Variants in ECSCR observed in about 807,000 individuals in gnomAD.
ECSCR encodes endothelial cell-specific chemotaxis regulator.
In ECSCR, 12 loss-of-function variants were observed where a neutral mutation model predicts 16.7. That is an observed-to-expected ratio of 0.72 (90% CI 0.46 to 1.17). ECSCR has a LOEUF of 1.17. Among genes scored for constraint, ECSCR ranks in the 50% most tolerant of loss-of-function variants. The pLI, the probability that ECSCR is intolerant of heterozygous loss-of-function variation, is 0.00. For missense variants in ECSCR, 122 were observed against 116.1 expected, an observed-to-expected ratio of 1.05 and a Z score of -0.23; for synonymous variants, 44 against 42.2, an observed-to-expected ratio of 1.04 and a Z score of -0.17.
At chr5:139,451,462 C>T (rs964256217) in intron 8 of ECSCR, among the ~76,000 whole-genome samples, 3 of 123,506 alleles carry the variant, frequency 2.4e-5, no homozygotes, top group Non-Finnish European at 5.0e-5. Context: ...GTATGAGGTA[C>T]GGGGTGTCTG....
intron 5 of ECSCR, among the ~76,000 whole-genome samples, chr5:139,456,217 C>T (rs1400688790): frequency 1.5e-4 from 23 of 152,112 alleles, no homozygotes; most frequent in African/African-American, 5.3e-4. Flanking sequence ...GAGCCGGGAT[C>T]GCACCGCTGC....
intron 7 of ECSCR, 57 bp from the exon 8 acceptor site, chr5:139,454,695 C>G (rs1751118956): frequency 2.5e-6 from 1 of 398,362 alleles, no homozygotes; most frequent in South Asian, 1.3e-4. Flanking sequence ...AGAAGTCCAG[C>G]CTTCCTCTCA....
intron 6 of ECSCR, 74 bp from the exon 7 acceptor site, chr5:139,454,997 C>T: frequency 2.5e-6 from 1 of 398,620 alleles, no homozygotes; most frequent in Non-Finnish European, 4.4e-6. Context: ...CCGGCATTCC[C>T]TTCCCAGATA....
intron 6 of ECSCR, 77 bp downstream of exon 6, chr5:139,455,246 C>T (rs1038165650): frequency 2.9e-5 from 7 of 245,376 alleles, no homozygotes; most frequent in Non-Finnish European, 3.8e-5. Flanking sequence ...TTTGAACTTG[C>T]GTTTCAGACC....
At chr5:139,451,558 G>T (rs1751049428) in intron 8 of ECSCR, among the ~76,000 whole-genome samples, 2 of 144,696 alleles carry the variant, frequency 1.4e-5, no homozygotes, top group South Asian at 2.2e-4. Flanking sequence ...TAGGGTACGG[G>T]GTGTGTGTGT....
chr5:139,461,247 G>C (rs1281972353), intron 1 of ECSCR, among the ~76,000 whole-genome samples: 7 of 152,226 alleles, frequency 4.6e-5, no homozygotes, highest in Non-Finnish European at 1.0e-4. Context: ...ACTTAACGCA[G>C]TGCCTGACAT....
chr5:139,459,607 A>C (rs1751246849), intron 1 of ECSCR, among the ~76,000 whole-genome samples: 1 of 152,210 alleles, frequency 6.6e-6, no homozygotes, highest in Non-Finnish European at 1.5e-5. Context: ...CAATGAAATC[A>C]TTCTTGAAAC....
intron 8 of ECSCR, among the ~76,000 whole-genome samples, chr5:139,451,608 G>A (rs1206212958): frequency 1.4e-5 from 2 of 146,282 alleles, no homozygotes; most frequent in Non-Finnish European, 3.0e-5. Context: ...GTATGGTATG[G>A]GGGGATGTGT....
chr5:139,450,183 G>A lies in ECSCR; in HGVS notation c.513-1009C>T, dbSNP rs539050000. Among the ~76,000 whole-genome samples, 201 of 152,012 alleles carry A rather than the reference G, an allele frequency of 1.3e-3. 2 individuals are homozygous for A. The highest frequency in any genetic ancestry group is 2.5e-3 in the Non-Finnish European group (169 of 67,950). On this transcript the variant is annotated intron_variant, in intron 8 of 9. Coordinates refer to ENST00000618155, the MANE Select transcript of ECSCR (RefSeq NM_001077693.4). ...GCTGAGATTACAGGCATGAGCCACC[G>A]CGCCTGGCCTAAAGCCTCAATTTTT...
At position 139,454,599 on chromosome 5, in the gene ECSCR, T is replaced by C. The variant is rs1751116651; in HGVS notation, c.512+3A>G. On this transcript the variant is annotated splice_donor_region_variant and intron_variant, in intron 8 of 9. Transcript: ENST00000618155. ...AGATAGAAGATTTTTCTGACGGTCT[T>C]ACCTTTCAGACAGCCCTGAACTCCC... is the stretch of plus-strand genomic sequence containing the variant. 1 of 398,038 alleles carries C rather than the reference T, an allele frequency of 2.5e-6. No homozygotes were observed. Among genetic ancestry groups the C allele is most frequent in the African/African-American group, 2.1e-5 (1 of 48,410 alleles). 24.7% of individuals were successfully genotyped at this position (398,038 alleles called of 1,614,324 possible). A position where few individuals can be genotyped will look rare whatever the true frequency, so the allele number is the denominator to read the frequency against.
chr5:139,450,573 C>T (rs1342545952), intron 8 of ECSCR, among the ~76,000 whole-genome samples: 1 of 149,546 alleles, frequency 6.7e-6, no homozygotes, highest in African/African-American at 2.5e-5. Context: ...GTCAGGAGTT[C>T]GAGACCAGCC....
In ECSCR at chr5:139,462,616, A is replaced by T; in HGVS notation, c.55T>A (p.Phe19Ile). The T allele has an allele frequency of 6.3e-7, 1 of 1,597,502 alleles. No homozygotes were observed. Among genetic ancestry groups the T allele is most frequent in the Non-Finnish European group, 8.5e-7 (1 of 1,172,420 alleles). Residue 19 changes from phenylalanine to isoleucine, a missense_variant, in exon 1 of 10, where the codon TTC becomes ATC. Physicochemically the swap from Phe to Ile is conservative, Grantham distance 21. Transcript: ENST00000618155. ...AGCGGCAGGCACCTCTTACCTCGGA[A>T]CAGGAGGAAGCCCAGGATCACCCAG... ...LCWVILGFLL[F>I]RGHNSQPTMT...
intron 7 of ECSCR, 28 bp from the exon 8 acceptor site, chr5:139,454,666 G>A: frequency 2.5e-6 from 1 of 398,282 alleles, no homozygotes; most frequent in Non-Finnish European, 4.4e-6. Context: ...CACAGGTTGG[G>A]GCTCACATGC....
At chr5:139,456,679 C>T (rs1009934318) in intron 4 of ECSCR, among the ~76,000 whole-genome samples, 161 bp from the exon 5 acceptor site, 4 of 152,206 alleles carry the variant, frequency 2.6e-5, no homozygotes, top group Admixed American at 2.0e-4. Flanking sequence ...CTTCTCCTCC[C>T]TCTCCTCTCT....
chr5:139,451,968 T>A (rs1751061500), intron 8 of ECSCR, among the ~76,000 whole-genome samples: 1 of 147,302 alleles, frequency 6.8e-6, no homozygotes, highest in Non-Finnish European at 1.5e-5. Context: ...GTGTATAGTA[T>A]AGGGTGTATG....
In ECSCR at chr5:139,448,914, A is replaced by G. The variant is rs1750967452; in HGVS notation, c.610-6T>C. 4 of 1,537,162 alleles carry G rather than the reference A, an allele frequency of 2.6e-6. No homozygotes were observed. The African/African-American group carries it at 4.1e-5, about 16-fold the overall frequency. On this transcript the variant is annotated splice_polypyrimidine_tract_variant and splice_region_variant and intron_variant, in intron 9 of 9. Coordinates refer to ENST00000618155, the MANE Select transcript of ECSCR (RefSeq NM_001077693.4). Reference sequence around the variant, plus strand: ...CAAAGTTGCTTTTAAAGAACCTGCAAAATAAATGCATAATGGGGAAGGGTG... The same window carrying G: ...CAAAGTTGCTTTTAAAGAACCTGCAGAATAAATGCATAATGGGGAAGGGTG...
At chr5:139,458,502 A>C (rs1401599777) in intron 1 of ECSCR, among the ~76,000 whole-genome samples, 2 of 3,302 alleles carry the variant, frequency 6.1e-4, no homozygotes, top group Non-Finnish European at 2.2e-3. Flanking sequence ...TATCTCAACA[A>C]AAAAAAAAAA....
At chr5:139,450,482 A>T (rs1254938079) in intron 8 of ECSCR, among the ~76,000 whole-genome samples, 1 of 146,286 alleles carries the variant, frequency 6.8e-6, no homozygotes, top group Non-Finnish European at 1.5e-5. Flanking sequence ...GTCCCTTAAA[A>T]AAAAAAAAAA....
intron 2 of ECSCR, 89 bp downstream of exon 2, chr5:139,458,050 G>T: frequency 1.4e-6 from 2 of 1,411,352 alleles, no homozygotes; most frequent in South Asian, 1.2e-5. Flanking sequence ...AGCCCCCTGA[G>T]GTTAAGGCTA....
Sources: gnomAD v4.1 joint callset for allele counts (sites outside exome capture counted in the v4.1 genomes callset) on GRCh38, gnomAD v4.1.1 for gene constraint, MANE v1.5 for transcripts, NCBI Gene and HGNC (gene_info 2026-07-23, HGNC 2026-07-21) for gene names.